The following PDE4D variants were observed in gnomAD, a reference collection of about 807,000 sequenced individuals.
PDE4D encodes the protein phosphodiesterase 4D.
A neutral mutation model predicts 87.4 loss-of-function variants in PDE4D; 24 were observed. The ratio of observed to expected loss-of-function variants is 0.27; its 90% CI spans 0.20 to 0.39. The LOEUF is 0.39. Ranked by LOEUF, PDE4D falls within the 10% of genes least tolerant of loss-of-function variation. The pLI, the probability that PDE4D is intolerant of heterozygous loss-of-function variation, is 1.00. For synonymous variants in PDE4D, 384 were observed against 383.2 expected, an observed-to-expected ratio of 1.00 and a Z score of -0.02; for missense variants, 714 against 1,041.0, an observed-to-expected ratio of 0.69 and a Z score of 4.32.
intron 1 of PDE4D, among the ~76,000 whole-genome samples, chr5:59,433,913 T>C (rs1431049811): frequency 6.6e-6 from 1 of 152,106 alleles, no homozygotes; most frequent in African/African-American, 2.4e-5. Flanking sequence ...AGGACTTTTC[T>C]TCTAATAACT....
intron 6 of PDE4D, among the ~76,000 whole-genome samples, chr5:59,022,520 C>T (rs754843968): frequency 1.3e-5 from 2 of 152,180 alleles, no homozygotes; most frequent in Admixed American, 6.5e-5. Context: ...TTACACCTTC[C>T]GTGAGTTTAT....
intron 1 of PDE4D, among the ~76,000 whole-genome samples, chr5:60,349,499 C>T (rs1759005510): frequency 6.6e-6 from 1 of 152,110 alleles, no homozygotes; most frequent in African/African-American, 2.4e-5. Context: ...CGAATCATGC[C>T]ACTTTAAACT....
At chr5:59,326,033 C>T (rs1040598785) in intron 1 of PDE4D, among the ~76,000 whole-genome samples, 7 of 152,044 alleles carry the variant, frequency 4.6e-5, no homozygotes, top group African/African-American at 1.2e-4. Context: ...AACCAAACAC[C>T]GCATGTTCTC....
chr5:60,221,877 C>T (rs1469065044), intron 1 of PDE4D, among the ~76,000 whole-genome samples: 5 of 152,040 alleles, frequency 3.3e-5, no homozygotes. Flanking sequence ...CCTAGTTTGG[C>T]TATTATAAAT....
Position 60,061,966 on chromosome 5 carries a change from G to A in PDE4D, c.43-73249C>T, listed in dbSNP as rs145853991. Among the ~76,000 whole-genome samples the A allele has an allele frequency of 5.8e-3, 884 of 152,198 alleles. 11 individuals carry two copies. Among genetic ancestry groups the A allele is most frequent in the African/African-American group, 0.02 (850 of 41,528 alleles). On this transcript the variant is annotated intron_variant, in intron 2 of 16. Coordinates refer to the PDE4D transcript ENST00000502484. ...AAAACCCAAAACCATAAAAACCCTGGAAGAAAACCTAGGCAATCCCATTCA... is the reference window on the plus strand; with the variant it reads ...AAAACCCAAAACCATAAAAACCCTGAAAGAAAACCTAGGCAATCCCATTCA...
intron 1 of PDE4D, among the ~76,000 whole-genome samples, chr5:60,218,275 C>T (rs1744102409): frequency 6.6e-6 from 1 of 151,920 alleles, no homozygotes; most frequent in East Asian, 1.9e-4. Flanking sequence ...AGGTATCATT[C>T]CATTTCTATG....
At chr5:59,910,306 A>G (rs1753303581) in intron 3 of PDE4D, among the ~76,000 whole-genome samples, 1 of 152,236 alleles carries the variant, frequency 6.6e-6, no homozygotes, top group South Asian at 2.1e-4. Context: ...TAATTTTGAA[A>G]TGATTAAATC....
chr5:60,319,794 A>C (rs1296883119), intron 1 of PDE4D, among the ~76,000 whole-genome samples: 1 of 152,204 alleles, frequency 6.6e-6, no homozygotes, highest in Non-Finnish European at 1.5e-5. Context: ...GCTGCAGAAC[A>C]GTGGATATTG....
At chr5:59,390,253 G>A (rs1284459837) in intron 1 of PDE4D, among the ~76,000 whole-genome samples, 1 of 152,036 alleles carries the variant, frequency 6.6e-6, no homozygotes, top group Non-Finnish European at 1.5e-5. Context: ...ACAAGATGGC[G>A]CTCTCTAATT....
At chr5:59,104,959 C>T (rs926484004) in intron 5 of PDE4D, among the ~76,000 whole-genome samples, 2 of 152,144 alleles carry the variant, frequency 1.3e-5, no homozygotes, top group African/African-American at 4.8e-5. Flanking sequence ...TTTTGTACAC[C>T]CAAATTACAT....
At chr5:60,037,911 AT>A (rs1387493232) in intron 2 of PDE4D, among the ~76,000 whole-genome samples, 1 of 152,216 alleles carries the variant, frequency 6.6e-6, no homozygotes, top group African/African-American at 2.4e-5. Flanking sequence ...AAAAAATAAA[AT>A]TTTATATCAA....
At chr5:59,919,164 G>A (rs1259940933) in intron 3 of PDE4D, among the ~76,000 whole-genome samples, 1 of 152,140 alleles carries the variant, frequency 6.6e-6, no homozygotes, top group Non-Finnish European at 1.5e-5. Context: ...CAGTTGGATA[G>A]ACTCAGCAAA....
Position 60,423,186 on chromosome 5 carries a change from A to C in PDE4D, c.-90+64756T>G, listed in dbSNP as rs4700374. Among the ~76,000 whole-genome samples the C allele has an allele frequency of 2.3e-3, 350 of 152,346 alleles. 2 individuals are homozygous for C. The highest frequency in any genetic ancestry group is 0.016 in the Admixed American group (244 of 15,306). Reference sequence around the variant, plus strand: ...CAGGACTTGAACTCAGCTCCGCAACAAGCGGGCCTAATAGACATCTACAGA... The same window carrying C: ...CAGGACTTGAACTCAGCTCCGCAACCAGCGGGCCTAATAGACATCTACAGA... On this transcript the variant is annotated intron_variant, in intron 1 of 16. Transcript: ENST00000502484.
intron 1 of PDE4D, among the ~76,000 whole-genome samples, chr5:60,189,406 A>C (rs951260011): frequency 6.6e-6 from 1 of 152,224 alleles, no homozygotes; most frequent in African/African-American, 2.4e-5. Flanking sequence ...CATATACACA[A>C]ACTGTATGGT....
intron 2 of PDE4D, among the ~76,000 whole-genome samples, chr5:60,169,705 TTGAG>T (rs1783246659): frequency 6.6e-6 from 1 of 152,048 alleles, no homozygotes; most frequent in African/African-American, 2.4e-5. Context: ...CGTATTCATG[TTGAG>T]TGAGATATAA....
At chr5:59,271,964 T>A (rs1465635669) in intron 1 of PDE4D, among the ~76,000 whole-genome samples, 1 of 151,392 alleles carries the variant, frequency 6.6e-6, no homozygotes, top group Non-Finnish European at 1.5e-5. Context: ...TTGGACAGAG[T>A]CTTCCAGAAT....
At chr5:59,757,694 T>C (rs1450677186) in intron 1 of PDE4D, among the ~76,000 whole-genome samples, 1 of 152,122 alleles carries the variant, frequency 6.6e-6, no homozygotes, top group African/African-American at 2.4e-5. Flanking sequence ...TCTTCCAGAG[T>C]CAAACCTTAA....
intron 1 of PDE4D, among the ~76,000 whole-genome samples, chr5:60,244,398 C>T (rs1747466973): frequency 6.6e-6 from 1 of 151,862 alleles, no homozygotes; most frequent in Admixed American, 6.6e-5. Context: ...AGATTCAATG[C>T]ACTCCCTATC....
intron 2 of PDE4D, among the ~76,000 whole-genome samples, chr5:60,103,511 G>A (rs1209405952): frequency 6.6e-6 from 1 of 152,138 alleles, no homozygotes; most frequent in Admixed American, 6.6e-5. Flanking sequence ...AGAACATGTA[G>A]CCAGGCCCCA....
Sources: allele counts gnomAD v4.1 joint callset (sites outside exome capture counted in the v4.1 genomes callset), GRCh38; gene constraint gnomAD v4.1.1; transcripts MANE v1.5; gene names NCBI Gene and HGNC (gene_info 2026-07-23, HGNC 2026-07-21).